Variants in CLUL1 observed in about 807,000 individuals in gnomAD.
CLUL1 encodes clusterin-like protein 1.
CLUL1 carries 43 observed loss-of-function variants against 49.4 expected under a neutral mutation model. The ratio of observed to expected loss-of-function variants is 0.87; its 90% confidence interval spans 0.68 to 1.12. The LOEUF (loss-of-function observed/expected upper bound fraction) is 1.12. Among genes scored for constraint, CLUL1 ranks in the 50% most tolerant of loss-of-function variants. CLUL1 has a pLI of 0.00. For missense variants in CLUL1, 486 were observed against 544.4 expected (o/e 0.89, Z 1.07); for synonymous variants, 192 against 184.9 (o/e 1.04, Z -0.31).
chr18:630,861 AT>A (rs59357214), intron 6 of CLUL1, among the ~76,000 whole-genome samples: 13,235 of 140,478 alleles, frequency 0.094, 712 homozygotes, highest in East Asian at 0.29. Flanking sequence ...TAATTTTTGC[AT>A]TTTTTTTTTT....
intron 7 of CLUL1, among the ~76,000 whole-genome samples, chr18:640,510 T>C (rs1473455213): frequency 1.3e-5 from 2 of 152,186 alleles, no homozygotes; most frequent in African/African-American, 4.8e-5. Context: ...TTTTTAACAA[T>C]ATAAATATTA....
chr18:607,960 A>G (rs1456615155), intron 2 of CLUL1, among the ~76,000 whole-genome samples: 2 of 152,226 alleles, frequency 1.3e-5, no homozygotes, highest in Admixed American at 1.3e-4. Flanking sequence ...GTCAACAGCT[A>G]TATATAGTCC....
intron 1 of CLUL1, among the ~76,000 whole-genome samples, chr18:605,373 A>C (rs2072942052): frequency 6.6e-6 from 1 of 152,054 alleles, no homozygotes; most frequent in African/African-American, 2.4e-5. Context: ...CACGCCTGTA[A>C]TCTCCGCACT....
intron 4 of CLUL1, among the ~76,000 whole-genome samples, chr18:622,437 C>G (rs2073515722): frequency 6.6e-6 from 1 of 152,192 alleles, no homozygotes; most frequent in Non-Finnish European, 1.5e-5. Flanking sequence ...ATCACAGGCA[C>G]TAGCCACCAT....
chr18:632,274 G>T (rs2074012327), intron 6 of CLUL1, among the ~76,000 whole-genome samples: 1 of 151,896 alleles, frequency 6.6e-6, no homozygotes, highest in Non-Finnish European at 1.5e-5. Flanking sequence ...TTGACCCCCT[G>T]TTCATAACAG....
chr18:607,642 G>A (rs1300065783), intron 2 of CLUL1, among the ~76,000 whole-genome samples: 7 of 152,046 alleles, frequency 4.6e-5, no homozygotes, highest in Non-Finnish European at 8.8e-5. Flanking sequence ...TGTCCAGGCT[G>A]GTCTCAAACT....
At chr18:649,759 T>C (rs1058151) in intron 9 of CLUL1, 139 bp from the exon 10 acceptor site, 254,150 of 634,826 alleles carry the variant, frequency 0.4, 52,957 homozygotes, top group Non-Finnish European at 0.44. Flanking sequence ...TTTTGCTACA[T>C]ACAGTACCAA....
chr18:624,804 C>T (rs1223400944), intron 4 of CLUL1, 61 bp from the exon 5 acceptor site: 5 of 1,518,960 alleles, frequency 3.3e-6, no homozygotes, highest in Admixed American at 1.8e-5. Context: ...AGGGTGAAAT[C>T]AACTAAGGTG....
chr18:607,210 T>C (rs62090072), intron 2 of CLUL1, 111 bp downstream of exon 2: 97,877 of 647,366 alleles, frequency 0.15, 10,018 homozygotes, highest in African/African-American at 0.39. Context: ...TCACTGCAAC[T>C]TCTGCCTCCC....
intron 7 of CLUL1, among the ~76,000 whole-genome samples, chr18:639,763 TCAAA>T (rs1291616861): frequency 1.3e-5 from 2 of 151,366 alleles, no homozygotes; most frequent in Non-Finnish European, 2.9e-5. Flanking sequence ...ATACTCTGTC[TCAAA>T]CAAACAAACA....
At chr18:634,326 G>T (rs1210911939) in intron 7 of CLUL1, among the ~76,000 whole-genome samples, 2 of 152,112 alleles carry the variant, frequency 1.3e-5, no homozygotes, top group South Asian at 2.1e-4. Flanking sequence ...AGGGACGAGG[G>T]TTTCACCATA....
intron 2 of CLUL1, among the ~76,000 whole-genome samples, chr18:607,766 T>G (rs2073020549): frequency 6.6e-6 from 1 of 151,910 alleles, no homozygotes; most frequent in Non-Finnish European, 1.5e-5. Context: ...TCTTGCTATA[T>G]TGCCCAGGCT....
Position 618,799 on chromosome 18 carries a change from T to C in CLUL1, c.107-414T>C, listed in dbSNP as rs2073386846. Among the ~76,000 whole-genome samples the C allele has an allele frequency of 6.6e-6, 1 of 152,200 alleles. No individual in the cohort carries two copies. The highest frequency in any genetic ancestry group is 6.5e-5 in the Admixed American group (1 of 15,282). ...CTTTCTAGGTCTCGTGCCTCCTTAT[T>C]AGGTAACTGAAGCTGAAAGAAAGAG... On this transcript the variant is annotated intron_variant, in intron 3 of 9. Coordinates refer to ENST00000692774, the MANE Select transcript of CLUL1 (RefSeq NM_001393344.1). This position sits in a 1 kb window ranked among gnomAD's most constrained non-coding sequence, Gnocchi z 4.2.
chr18:627,006 GGAAA>G lies in CLUL1; in HGVS notation c.424-70_424-67del, dbSNP rs1157861413. On this transcript the variant is annotated intron_variant, in intron 5 of 9. Coordinates refer to ENST00000692774, the MANE Select transcript of CLUL1 (RefSeq NM_001393344.1). ...AGGAAGGAAGGAAGGAAGGAAGGAA[GGAAA>G]GAAAGAAAGAAAGAAAGAAAAGAAA... 9 of 110,414 alleles carry G rather than the reference GGAAA, an allele frequency of 8.2e-5. 4 individuals are homozygous for G. In the South Asian group the frequency reaches 3.1e-3, roughly 37 times the overall value. 6.8% of individuals were successfully genotyped at this position (110,414 alleles called of 1,614,324 possible). A position where few individuals can be genotyped will look rare whatever the true frequency, so the allele number is the denominator to read the frequency against.
chr18:612,676 C>CTA (rs2143966249), intron 2 of CLUL1: 1 of 152,394 alleles, frequency 6.6e-6, no homozygotes, highest in African/African-American at 2.4e-5. Context: ...AAGTTACTGG[C>CTA]TATCCCATCA....
chr18:607,768 G>T (rs1451631053), intron 2 of CLUL1, among the ~76,000 whole-genome samples: 1 of 151,938 alleles, frequency 6.6e-6, no homozygotes, highest in African/African-American at 2.4e-5. Context: ...TTGCTATATT[G>T]CCCAGGCTGG....
intron 7 of CLUL1, among the ~76,000 whole-genome samples, chr18:637,954 G>T (rs74543946): frequency 6.6e-6 from 1 of 151,680 alleles, no homozygotes; most frequent in Non-Finnish European, 1.5e-5. Context: ...GCCTCAGAGC[G>T]AGACTCTGTC....
chr18:645,093 AC>A lies in CLUL1; in HGVS notation c.1395del (p.Trp466GlyfsTer5). On this transcript the variant is annotated frameshift_variant, in exon 9 of 10. Coordinates refer to ENST00000692774, the MANE Select transcript of CLUL1 (RefSeq NM_001393344.1). LOFTEE classifies it high-confidence loss of function. ...ALQHFKEHFK[T>X]W ...ACAGCATTTTAAGGAACATTTTAAA[AC>A]CTGGTAAGCAGAGTGCCTGGTTAGG... The A allele has an allele frequency of 6.3e-7, 1 of 1,598,044 alleles. No individual in the cohort carries two copies. The highest frequency in any genetic ancestry group is 8.5e-7 in the Non-Finnish European group (1 of 1,173,120).
intron 7 of CLUL1, among the ~76,000 whole-genome samples, chr18:635,709 A>G (rs1363926037): frequency 6.6e-6 from 1 of 152,136 alleles, no homozygotes; most frequent in African/African-American, 2.4e-5. Context: ...TCTAACAGTG[A>G]GCAAGTTGCA....
Sources: gnomAD v4.1 joint callset for allele counts (sites outside exome capture counted in the v4.1 genomes callset) on GRCh38, gnomAD v4.1.1 for gene constraint, Gnocchi (gnomAD v3.1) non-coding constraint, MANE v1.5 for transcripts, NCBI Gene and HGNC (gene_info 2026-07-23, HGNC 2026-07-21) for gene names.